The following SPAG16 variants were observed in gnomAD, a reference collection of about 807,000 sequenced individuals.
SPAG16 encodes the protein sperm associated antigen 16.
Under a neutral mutation model 80.4 loss-of-function variants are expected in SPAG16, and 86 were observed. The observed-to-expected ratio is 1.07, with a 90% CI of 0.90 to 1.28. SPAG16 has a LOEUF of 1.28. Among genes scored for constraint, SPAG16 ranks in the 50% most tolerant of loss-of-function variants. The pLI, the probability that SPAG16 is intolerant of heterozygous loss-of-function variation, is 0.00. For synonymous variants in SPAG16, 294 were observed against 265.9 expected (o/e 1.11, Z -1.03); for missense variants, 870 against 765.3 (o/e 1.14, Z -1.61).
chr2:213,427,566 T>A (rs2070015426), intron 9 of SPAG16, among the ~76,000 whole-genome samples: 2 of 152,144 alleles, frequency 1.3e-5, no homozygotes, highest in Non-Finnish European at 1.5e-5. Flanking sequence ...TACATCTCAA[T>A]AAGAAAGTCG....
intron 5 of SPAG16, chr2:213,317,725 T>G (rs539117246): frequency 1.0e-6 from 1 of 987,588 alleles, no homozygotes; most frequent in African/African-American, 1.7e-5. Context: ...ATTGCTAGTT[T>G]ATTCCTGGTA....
intron 9 of SPAG16, among the ~76,000 whole-genome samples, chr2:213,435,117 A>G (rs768263897): frequency 3.9e-5 from 6 of 152,216 alleles, no homozygotes; most frequent in South Asian, 4.1e-4. Flanking sequence ...TCTTTATCCA[A>G]TGGAATGCTA....
intron 15 of SPAG16, among the ~76,000 whole-genome samples, chr2:214,351,750 G>T (rs1311326426): frequency 6.9e-6 from 1 of 144,732 alleles, no homozygotes; most frequent in Non-Finnish European, 1.5e-5. Flanking sequence ...AATATTGACA[G>T]TGATGCATGG....
intron 10 of SPAG16, among the ~76,000 whole-genome samples, chr2:213,704,307 T>C (rs996273975): frequency 4.6e-5 from 7 of 152,224 alleles, no homozygotes; most frequent in African/African-American, 1.7e-4. Context: ...CCAAAGTTTA[T>C]TAAGTGTTCA....
At chr2:214,385,312 T>C (rs1047850274) in intron 15 of SPAG16, among the ~76,000 whole-genome samples, 10 of 152,330 alleles carry the variant, frequency 6.6e-5, no homozygotes, top group African/African-American at 2.4e-4. Context: ...AATGACTTGA[T>C]ATATATAAAG....
At chr2:214,274,700 A>C (rs1692312609) in intron 15 of SPAG16, among the ~76,000 whole-genome samples, 1 of 152,190 alleles carries the variant, frequency 6.6e-6, no homozygotes, top group African/African-American at 2.4e-5. Flanking sequence ...TAAGATTGCC[A>C]GTATTTTATT....
intron 9 of SPAG16, among the ~76,000 whole-genome samples, chr2:213,472,499 C>T (rs2073135578): frequency 6.6e-6 from 1 of 152,180 alleles, no homozygotes; most frequent in African/African-American, 2.4e-5. Flanking sequence ...GATGGTGGCA[C>T]TAATCTCCGC....
intron 10 of SPAG16, among the ~76,000 whole-genome samples, chr2:213,709,018 TG>T (rs2065870911): frequency 6.6e-6 from 1 of 152,146 alleles, no homozygotes. Context: ...TTAGTTCCTT[TG>T]GGGCTCACAT....
At chr2:214,039,547 C>T (rs1157786306) in intron 13 of SPAG16, among the ~76,000 whole-genome samples, 1 of 152,168 alleles carries the variant, frequency 6.6e-6, no homozygotes. Flanking sequence ...TTGCAATCTA[C>T]TCATCTGACA....
intron 9 of SPAG16, among the ~76,000 whole-genome samples, chr2:213,407,398 G>A (rs1327153722): frequency 6.6e-6 from 1 of 152,110 alleles, no homozygotes; most frequent in Non-Finnish European, 1.5e-5. Context: ...GGCAAGGTGA[G>A]ACACCCCCTG....
chr2:213,334,460 T>C (rs1197034977), intron 5 of SPAG16, among the ~76,000 whole-genome samples: 1 of 152,222 alleles, frequency 6.6e-6, no homozygotes, highest in Non-Finnish European at 1.5e-5. Context: ...TGGGTGTATA[T>C]ACCCAAAAGA....
intron 10 of SPAG16, among the ~76,000 whole-genome samples, chr2:213,644,650 C>G (rs2062751889): frequency 6.6e-6 from 1 of 152,160 alleles, no homozygotes; most frequent in African/African-American, 2.4e-5. Flanking sequence ...CTCTGGATTC[C>G]CAGGGAGACA....
chr2:214,106,430 A>C (rs957687435), intron 13 of SPAG16, among the ~76,000 whole-genome samples: 6 of 152,200 alleles, frequency 3.9e-5, no homozygotes, highest in African/African-American at 1.2e-4. Flanking sequence ...AGAGAGTATC[A>C]AAGTGTTTCA....
chr2:213,351,544 A>G (rs1158853791), intron 7 of SPAG16, among the ~76,000 whole-genome samples: 1 of 152,116 alleles, frequency 6.6e-6, no homozygotes, highest in Non-Finnish European at 1.5e-5. Context: ...AAAAGAAACA[A>G]AATGTTTATA....
At chr2:213,565,672 A>C (rs1222978101) in intron 10 of SPAG16, among the ~76,000 whole-genome samples, 1 of 152,228 alleles carries the variant, frequency 6.6e-6, no homozygotes, top group Non-Finnish European at 1.5e-5. Flanking sequence ...CTTAGAAATA[A>C]GGCCTGCCAA....
Position 214,180,861 on chromosome 2 carries a change from G to C in SPAG16, c.1720+31595G>C, listed in dbSNP as rs183865164. Among the ~76,000 whole-genome samples, 25 of 151,758 alleles carry C rather than the reference G, an allele frequency of 1.6e-4. No homozygotes were observed. In the East Asian group the frequency reaches 4.9e-3, roughly 29 times the overall value. ...GTTCTCACATTGGGCTAGATGCAAC[G>C]TGACCTTTAATCTTTACCTAGTTTA... On this transcript the variant is annotated intron_variant, in intron 15 of 15. Coordinates refer to ENST00000331683, the MANE Select transcript of SPAG16 (RefSeq NM_024532.5).
At chr2:213,677,034 G>C (rs538687442) in intron 10 of SPAG16, among the ~76,000 whole-genome samples, 3 of 151,948 alleles carry the variant, frequency 2.0e-5, no homozygotes, top group Admixed American at 1.3e-4. Context: ...TGGTTGGTAA[G>C]CTGTTGATTA....
chr2:213,460,955 A>C (rs768186174), intron 9 of SPAG16, among the ~76,000 whole-genome samples: 1 of 152,208 alleles, frequency 6.6e-6, no homozygotes, highest in Non-Finnish European at 1.5e-5. Context: ...ATATTTATAC[A>C]TGAATATAAA....
At position 213,468,543 on chromosome 2, in the gene SPAG16, A is replaced by ATATC. The variant is rs1553538761; in HGVS notation, c.943-21417_943-21416insCTAT. 9.7e-3 allele frequency among the ~76,000 whole-genome samples: 1,195 copies of ATATC among 122,576 alleles called. 70 individuals carry two copies. Among genetic ancestry groups the ATATC allele is most frequent in the African/African-American group, 0.048 (1,077 of 22,624 alleles). The allele number at this position is 122,576 out of a possible 152,430, so 80.4% of individuals were successfully genotyped here. A position where few individuals can be genotyped will look rare whatever the true frequency, so the allele number is the denominator to read the frequency against. ...TATGTATTTATATATAGATATATAT[A>ATATC]TATGTATTTATATATAGAGATATAT... On this transcript the variant is annotated intron_variant, in intron 9 of 15. Coordinates refer to ENST00000331683, the MANE Select transcript of SPAG16 (RefSeq NM_024532.5).
Sources: allele counts gnomAD v4.1 joint callset (sites outside exome capture counted in the v4.1 genomes callset), GRCh38; gene constraint gnomAD v4.1.1; transcripts MANE v1.5; gene names NCBI Gene and HGNC (gene_info 2026-07-23, HGNC 2026-07-21).